The following GPC5 variants were observed in gnomAD, a reference collection of about 807,000 sequenced individuals.
The protein encoded by GPC5 is glypican 5.
Under a neutral mutation model 53.9 loss-of-function variants are expected in GPC5, and 47 were observed. The ratio of observed to expected loss-of-function variants is 0.87; its 90% confidence interval spans 0.69 to 1.11. GPC5 has a LOEUF of 1.11. Among genes scored for constraint, GPC5 ranks in the 50% most tolerant of loss-of-function variants. GPC5 has a pLI of 0.00. For missense variants in GPC5, 748 were observed against 713.1 expected (o/e 1.05, Z -0.56); for synonymous variants, 286 against 263.3 (o/e 1.09, Z -0.84).
intron 7 of GPC5, among the ~76,000 whole-genome samples, chr13:92,334,200 T>C (rs1357439950): frequency 6.6e-6 from 1 of 152,168 alleles, no homozygotes; most frequent in African/African-American, 2.4e-5. Context: ...CAGTTCCACA[T>C]GGCTAGGGAG....
chr13:92,756,954 C>T (rs1246356270), intron 7 of GPC5, among the ~76,000 whole-genome samples: 5 of 151,904 alleles, frequency 3.3e-5, no homozygotes, highest in Non-Finnish European at 7.4e-5. Flanking sequence ...CTACCAATGC[C>T]TTTCTTCACA....
chr13:92,011,358 C>T (rs972351470), intron 6 of GPC5, among the ~76,000 whole-genome samples: 1 of 152,182 alleles, frequency 6.6e-6, no homozygotes, highest in African/African-American at 2.4e-5. Flanking sequence ...AATGTGTTAT[C>T]CATGTGAAAT....
chr13:92,337,944 C>A (rs2043336172), intron 7 of GPC5, among the ~76,000 whole-genome samples: 1 of 152,014 alleles, frequency 6.6e-6, no homozygotes, highest in African/African-American at 2.4e-5. Context: ...TTTATGAAAG[C>A]AATAACTGGT....
intron 7 of GPC5, among the ~76,000 whole-genome samples, chr13:92,782,105 G>C (rs567755443): frequency 3.3e-5 from 5 of 150,100 alleles, no homozygotes; most frequent in African/African-American, 1.2e-4. Flanking sequence ...AAGAAGGAGT[G>C]GGGGGAAGGG....
At chr13:91,571,714 G>A (rs2031787872) in intron 2 of GPC5, among the ~76,000 whole-genome samples, 1 of 135,630 alleles carries the variant, frequency 7.4e-6, no homozygotes, top group Admixed American at 7.4e-5. Flanking sequence ...GACAGAGCAA[G>A]ACTCTGTCTC....
intron 6 of GPC5, among the ~76,000 whole-genome samples, chr13:92,106,426 TATG>T (rs2041510619): frequency 6.6e-6 from 1 of 152,104 alleles, no homozygotes; most frequent in Admixed American, 6.6e-5. Flanking sequence ...AGATTTTGGA[TATG>T]ATGAGTGCTG....
At chr13:91,581,884 A>G (rs1241818781) in intron 2 of GPC5, among the ~76,000 whole-genome samples, 1 of 152,194 alleles carries the variant, frequency 6.6e-6, no homozygotes, top group East Asian at 1.9e-4. Flanking sequence ...AAGAACAGTT[A>G]GGAAATCTCC....
intron 2 of GPC5, among the ~76,000 whole-genome samples, chr13:91,548,372 C>A (rs1297676768): frequency 6.6e-6 from 1 of 152,000 alleles, no homozygotes; most frequent in Non-Finnish European, 1.5e-5. Context: ...TAAATCAGCA[C>A]CAAAAGTGAA....
chr13:91,850,612 T>C (rs2138889913), intron 5 of GPC5, among the ~76,000 whole-genome samples: 1 of 152,316 alleles, frequency 6.6e-6, no homozygotes, highest in African/African-American at 2.4e-5. Context: ...CATGAAGAAC[T>C]TCAAATATTC....
At chr13:91,929,779 T>A (rs2039804001) in intron 6 of GPC5, among the ~76,000 whole-genome samples, 1 of 150,640 alleles carries the variant, frequency 6.6e-6, no homozygotes, top group South Asian at 2.1e-4. Flanking sequence ...TGGTATATTA[T>A]CATAGATTTC....
intron 6 of GPC5, among the ~76,000 whole-genome samples, chr13:92,101,421 CTA>C (rs1358380516): frequency 6.6e-6 from 1 of 152,152 alleles, no homozygotes; most frequent in Non-Finnish European, 1.5e-5. Flanking sequence ...TTGTAAGTGT[CTA>C]TACACAGATT....
intron 7 of GPC5, among the ~76,000 whole-genome samples, chr13:92,527,249 GAGAAAGAAAGAA>G (rs199630577): frequency 8.3e-4 from 27 of 32,718 alleles, no homozygotes; most frequent in African/African-American, 2.2e-3. Flanking sequence ...AAGAAAGAAA[GAGAAAGAAAGAA>G]AGAAAGAAAG....
intron 7 of GPC5, among the ~76,000 whole-genome samples, chr13:92,783,248 G>T (rs749918602): frequency 3.5e-4 from 53 of 152,112 alleles, no homozygotes; most frequent in Non-Finnish European, 1.6e-4. Context: ...CACTTTTCCA[G>T]ATTGAGCTAG....
intron 6 of GPC5, among the ~76,000 whole-genome samples, chr13:91,980,318 T>A (rs1047294864): frequency 1.8e-4 from 27 of 152,246 alleles, no homozygotes; most frequent in African/African-American, 5.8e-4. Context: ...AGGATTTTTT[T>A]AAGATCTATT....
intron 7 of GPC5, among the ~76,000 whole-genome samples, chr13:92,325,618 T>C (rs1261036582): frequency 6.6e-6 from 1 of 152,050 alleles, no homozygotes; most frequent in Non-Finnish European, 1.5e-5. Flanking sequence ...GGCAAACAGA[T>C]GATTGGTTGA....
intron 6 of GPC5, among the ~76,000 whole-genome samples, chr13:92,076,888 T>C (rs546581391): frequency 6.6e-6 from 1 of 152,314 alleles, no homozygotes; most frequent in African/African-American, 2.4e-5. Context: ...TTCTAGCACC[T>C]TTTAAAGGCC....
intron 7 of GPC5, among the ~76,000 whole-genome samples, chr13:92,630,697 A>T (rs956334456): frequency 5.3e-5 from 8 of 152,100 alleles, no homozygotes; most frequent in African/African-American, 1.4e-4. Flanking sequence ...ATAATAAAAA[A>T]TTTTTTTAAA....
At chr13:91,825,253 A>T (rs570441309) in intron 5 of GPC5, among the ~76,000 whole-genome samples, 9 of 152,174 alleles carry the variant, frequency 5.9e-5, no homozygotes, top group African/African-American at 2.2e-4. Flanking sequence ...AACTTTTTGA[A>T]CTTGCCCAAG....
At chr13:92,118,217 G>A (rs185061180) in intron 6 of GPC5, among the ~76,000 whole-genome samples, 35 of 152,220 alleles carry the variant, frequency 2.3e-4, no homozygotes, top group African/African-American at 7.9e-4. Flanking sequence ...ACTGAATGAC[G>A]TTTGTTTTTC....
Sources: allele counts gnomAD v4.1 joint callset (sites outside exome capture counted in the v4.1 genomes callset), GRCh38; gene constraint gnomAD v4.1.1; transcripts MANE v1.5; gene names NCBI Gene and HGNC (gene_info 2026-07-23, HGNC 2026-07-21).